ANKS1B: variants seen among roughly 807,000 people sequenced by gnomAD.
ANKS1B encodes ankyrin repeat and sterile alpha motif domain containing 1B, also known as ankyrin repeat and sterile alpha motif domain-containing protein 1B.
ANKS1B carries 36 observed loss-of-function variants against 148.3 expected under a neutral mutation model. That is an observed-to-expected ratio of 0.24 (90% confidence interval 0.19 to 0.32). The LOEUF (loss-of-function observed/expected upper bound fraction) is 0.32, where lower values mean the gene tolerates loss of function less well. Among genes scored for constraint, ANKS1B ranks in the 10% least tolerant of loss-of-function variants. ANKS1B has a pLI of 1.00. For missense variants in ANKS1B, 1,157 were observed against 1,542.6 expected (o/e 0.75, Z 4.19); for synonymous variants, 542 against 560.8 (o/e 0.97, Z 0.47).
chr12:98,885,276 A>G (rs929778234), intron 17 of ANKS1B, among the ~76,000 whole-genome samples: 1 of 152,232 alleles, frequency 6.6e-6, no homozygotes, highest in African/African-American at 2.4e-5. Flanking sequence ...AACATTAACA[A>G]CTATAATAAA....
intron 9 of ANKS1B, among the ~76,000 whole-genome samples, chr12:99,543,679 CATT>C (rs1030076756): frequency 3.9e-5 from 6 of 152,006 alleles, no homozygotes; most frequent in Non-Finnish European, 7.4e-5. Flanking sequence ...ATTTTGAAAA[CATT>C]ATGCTGTGAT....
chr12:99,607,489 C>G (rs762460441), intron 9 of ANKS1B, among the ~76,000 whole-genome samples: 11 of 151,884 alleles, frequency 7.2e-5, no homozygotes, highest in Non-Finnish European at 1.0e-4. Flanking sequence ...GCAGAGGTAA[C>G]ATACCTGTTT....
chr12:98,840,610 C>T (rs978520448), intron 17 of ANKS1B, among the ~76,000 whole-genome samples: 1 of 152,128 alleles, frequency 6.6e-6, no homozygotes, highest in African/African-American at 2.4e-5. Flanking sequence ...GTATAATTGC[C>T]TCTGAACATT....
At position 99,000,565 on chromosome 12, in the gene ANKS1B, G is replaced by A. The variant is rs536855602; in HGVS notation, c.2778+52592C>T. Among the ~76,000 whole-genome samples the A allele has an allele frequency of 8.7e-4, 133 of 152,254 alleles. 1 individual carries two copies. Among genetic ancestry groups the A allele is most frequent in the Admixed American group, 8.5e-4 (13 of 15,294 alleles). ...ATTACAGGCATGAGCCACCGTGCTC[G>A]GCCAGGGCCTTCTTTTTTAAAGAAA... On this transcript the variant is annotated intron_variant, in intron 17 of 26. Transcript: ENST00000683438.
intron 14 of ANKS1B, among the ~76,000 whole-genome samples, chr12:99,212,771 T>C (rs931480): frequency 0.3 from 45,560 of 152,128 alleles, 8,331 homozygotes; most frequent in East Asian, 0.53. Flanking sequence ...GAGCTGGACT[T>C]GTATACCTTG....
At chr12:99,960,167 T>C (rs1566087728) in intron 1 of ANKS1B, among the ~76,000 whole-genome samples, 1 of 152,246 alleles carries the variant, frequency 6.6e-6, no homozygotes, top group Non-Finnish European at 1.5e-5. Context: ...AGAAATAATG[T>C]TTCAAAGACG....
chr12:99,428,140 A>G (rs957354742), intron 11 of ANKS1B, among the ~76,000 whole-genome samples: 5 of 152,316 alleles, frequency 3.3e-5, no homozygotes, highest in South Asian at 4.1e-4. Context: ...GCATTGGGTG[A>G]GTAGGGTATC....
chr12:98,814,415 C>T (rs974851521), intron 19 of ANKS1B, among the ~76,000 whole-genome samples: 2 of 152,158 alleles, frequency 1.3e-5, no homozygotes, highest in East Asian at 1.9e-4. Flanking sequence ...TACCGTTATC[C>T]GTTATCATTT....
chr12:99,365,819 C>CA (rs1366262680), intron 12 of ANKS1B, among the ~76,000 whole-genome samples: 1 of 151,862 alleles, frequency 6.6e-6, no homozygotes, highest in African/African-American at 2.4e-5. Context: ...ATTAATAGTA[C>CA]AAGAGTTCCT....
chr12:99,031,100 GCTA>G (rs1234896177), intron 17 of ANKS1B, among the ~76,000 whole-genome samples: 3 of 152,144 alleles, frequency 2.0e-5, no homozygotes, highest in Admixed American at 6.5e-5. Flanking sequence ...TTCTTCTGGT[GCTA>G]CTAACGTAAA....
chr12:99,142,738 T>C (rs1331970060), intron 15 of ANKS1B, among the ~76,000 whole-genome samples: 1 of 152,138 alleles, frequency 6.6e-6, no homozygotes, highest in East Asian at 1.9e-4. Flanking sequence ...TTTAACTATA[T>C]AACACACCCT....
intron 12 of ANKS1B, among the ~76,000 whole-genome samples, chr12:99,262,203 C>T (rs2075995665): frequency 6.6e-6 from 1 of 152,058 alleles, no homozygotes; most frequent in African/African-American, 2.4e-5. Flanking sequence ...TTATTCCCTT[C>T]CCTGCTTTAT....
chr12:99,496,497 A>C (rs1482157938), intron 10 of ANKS1B, among the ~76,000 whole-genome samples: 1 of 152,216 alleles, frequency 6.6e-6, no homozygotes, highest in Admixed American at 6.5e-5. Flanking sequence ...CATGAGTCTT[A>C]GCAAATTCAC....
rs1464428202 is a variant in ANKS1B, at chr12:99,560,858, T to G, written c.1273-56217A>C. Among the ~76,000 whole-genome samples the G allele has an allele frequency of 5.4e-5, 7 of 130,264 alleles. No individual in the cohort carries two copies. In the East Asian group the frequency reaches 1.5e-3, roughly 27 times the overall value. 85.5% of individuals were successfully genotyped at this position (130,264 alleles called of 152,430 possible). A position where few individuals can be genotyped will look rare whatever the true frequency, so the allele number is the denominator to read the frequency against. On this transcript the variant is annotated intron_variant, in intron 9 of 26. Coordinates refer to ENST00000683438, the MANE Select transcript of ANKS1B (RefSeq NM_001352186.2). Reference sequence around the variant, plus strand: ...CTTTTTTCTTTTTTTTTTTTTTTTTTTTTTTTGAGACGGAGTCTCACACTC... The same window carrying G: ...CTTTTTTCTTTTTTTTTTTTTTTTTGTTTTTTGAGACGGAGTCTCACACTC...
intron 11 of ANKS1B, among the ~76,000 whole-genome samples, chr12:99,436,056 C>G (rs2095455733): frequency 6.6e-6 from 1 of 151,856 alleles, no homozygotes; most frequent in African/African-American, 2.4e-5. Flanking sequence ...CTTCTCTTCT[C>G]ACTCAGCTTT....
chr12:99,954,181 T>A (rs908646957), intron 1 of ANKS1B, among the ~76,000 whole-genome samples: 6 of 152,158 alleles, frequency 3.9e-5, no homozygotes, highest in African/African-American at 1.4e-4. Flanking sequence ...ATCCAAAAAT[T>A]AACAAAACCT....
chr12:99,727,686 A>T (rs2058743663), intron 8 of ANKS1B, among the ~76,000 whole-genome samples: 1 of 152,178 alleles, frequency 6.6e-6, no homozygotes, highest in South Asian at 2.1e-4. Context: ...AGCCAGGACA[A>T]TCCTAATCAA....
chr12:99,529,417 C>T (rs2096964621), intron 9 of ANKS1B, among the ~76,000 whole-genome samples: 1 of 152,176 alleles, frequency 6.6e-6, no homozygotes, highest in Admixed American at 6.5e-5. Flanking sequence ...CTTTGGGAGG[C>T]TGAGATGGGC....
rs1386675090 is a variant in ANKS1B, at chr12:98,800,639, AGT to A, written c.3270+356_3270+357del. On this transcript the variant is annotated intron_variant, in intron 21 of 26. Coordinates refer to ENST00000683438, the MANE Select transcript of ANKS1B (RefSeq NM_001352186.2). ...GGTATTTACATAAAGTGGCAGACCC[AGT>A]GTTTTGAGACCCAGTGTTTGGTGAG... 2.2e-5 allele frequency among the ~76,000 whole-genome samples: 3 copies of A among 135,698 alleles called. No individual in the cohort carries two copies. In the Admixed American group the frequency reaches 2.2e-4, roughly 10 times the overall value. 89.0% of individuals were successfully genotyped at this position (135,698 alleles called of 152,430 possible).
Sources: allele counts gnomAD v4.1 joint callset (sites outside exome capture counted in the v4.1 genomes callset), GRCh38; gene constraint gnomAD v4.1.1; transcripts MANE v1.5; gene names NCBI Gene and HGNC (gene_info 2026-07-23, HGNC 2026-07-21).